The following PDE8A variants were observed in gnomAD, a reference collection of about 807,000 sequenced individuals.
The protein encoded by PDE8A is high affinity cAMP-specific and IBMX-insensitive 3',5'-cyclic phosphodiesterase 8A.
Under a neutral mutation model 105.0 loss-of-function variants are expected in PDE8A, and 59 were observed. That is an observed-to-expected ratio of 0.56 (90% CI 0.46 to 0.70). The LOEUF is 0.70. Ranked by LOEUF, PDE8A falls within the 30% of genes least tolerant of loss-of-function variation. PDE8A has a pLI of 0.00. For synonymous variants in PDE8A, 355 were observed against 371.9 expected (o/e 0.95, Z 0.52); for missense variants, 1,014 against 1,045.9 (o/e 0.97, Z 0.42).
At chr15:85,004,292 G>C (rs1178045076) in intron 1 of PDE8A, among the ~76,000 whole-genome samples, 1 of 152,170 alleles carries the variant, frequency 6.6e-6, no homozygotes, top group Non-Finnish European at 1.5e-5. Context: ...TTCAGTAATA[G>C]ATACATAACC....
upstream of PDE8A, among the ~76,000 whole-genome samples, chr15:84,981,722 G>C (rs1188987005): frequency 6.6e-6 from 1 of 151,330 alleles, no homozygotes; most frequent in Non-Finnish European, 1.5e-5. Context: ...GAGCGGGGCC[G>C]GGCGCGGCCG....
rs776553382 is a variant in PDE8A at position 85,137,930 on chromosome 15, GCTT to G, written c.*28_*30del. ...GGGAGACACCACCCAGAGCCCTGAAGCTTTGTTCCTTCGGTCATTTGGAATTCC... is the reference window on the plus strand; with the variant it reads ...GGGAGACACCACCCAGAGCCCTGAAGTGTTCCTTCGGTCATTTGGAATTCC... On this transcript the variant is annotated 3_prime_UTR_variant, in exon 22 of 22. Transcript: ENST00000394553. 3 of 1,402,516 alleles carry G rather than the reference GCTT, an allele frequency of 2.1e-6. No individual in the cohort carries two copies. The South Asian group carries it at 3.5e-5, about 16-fold the overall frequency. 86.9% of individuals were successfully genotyped at this position (1,402,516 alleles called of 1,614,324 possible). A position where few individuals can be genotyped will look rare whatever the true frequency, so the allele number is the denominator to read the frequency against.
chr15:85,090,439 A>C (rs186302706), intron 7 of PDE8A, among the ~76,000 whole-genome samples: 28 of 152,178 alleles, frequency 1.8e-4, no homozygotes, highest in Admixed American at 7.9e-4. Context: ...TTTCCCATGT[A>C]TTTTCTGCTT....
At chr15:85,107,169 A>G (rs911044575) in intron 11 of PDE8A, among the ~76,000 whole-genome samples, 3 of 152,218 alleles carry the variant, frequency 2.0e-5, no homozygotes, top group Non-Finnish European at 4.4e-5. Context: ...ATCAGAGGTA[A>G]CCAGGCGAAG....
rs368669038 is a variant in PDE8A at position 85,015,557 on chromosome 15, A to G, written c.186+33209A>G. On this transcript the variant is annotated intron_variant, in intron 1 of 21. Coordinates refer to ENST00000394553, the MANE Select transcript of PDE8A (RefSeq NM_002605.3). Reference sequence around the variant, plus strand: ...CTCTATAAGGGTTGTACCATTCTGAATTTTTACCAGCAGTGTATCAGAAAG... The same window carrying G: ...CTCTATAAGGGTTGTACCATTCTGAGTTTTTACCAGCAGTGTATCAGAAAG... Among the ~76,000 whole-genome samples, 9 of 151,952 alleles carry G rather than the reference A, an allele frequency of 5.9e-5. No individual in the cohort carries two copies. The East Asian group carries it at 9.6e-4, about 16-fold the overall frequency.
intron 1 of PDE8A, among the ~76,000 whole-genome samples, chr15:84,996,113 C>T (rs564015286): frequency 1.3e-5 from 2 of 152,036 alleles, no homozygotes; most frequent in Non-Finnish European, 2.9e-5. Flanking sequence ...ATTTTGACCT[C>T]TCATGTGCAT....
chr15:85,117,860 C>G (rs1262121298), intron 17 of PDE8A, 21 bp downstream of exon 17: 1 of 1,576,792 alleles, frequency 6.3e-7, no homozygotes, highest in East Asian at 2.2e-5. Flanking sequence ...GTTTACCTGC[C>G]ACATTTAATG....
chr15:85,070,660 A>T (rs1325544320), intron 3 of PDE8A, among the ~76,000 whole-genome samples: 1 of 152,156 alleles, frequency 6.6e-6, no homozygotes, highest in Non-Finnish European at 1.5e-5. Context: ...TCAGTGCTAG[A>T]TGGCTGCTGG....
chr15:85,043,828 G>A (rs527279167), intron 1 of PDE8A, among the ~76,000 whole-genome samples: 1 of 152,098 alleles, frequency 6.6e-6, no homozygotes, highest in South Asian at 2.1e-4. Context: ...CTCCTGAGTA[G>A]CTGGGACTAC....
chr15:85,099,357 C>A (rs893296292), intron 9 of PDE8A, among the ~76,000 whole-genome samples: 1 of 152,254 alleles, frequency 6.6e-6, no homozygotes, highest in African/African-American at 2.4e-5. Flanking sequence ...TGTCACCAGG[C>A]TTTGCTGCCA....
intron 1 of PDE8A, among the ~76,000 whole-genome samples, chr15:85,023,231 T>C (rs1411101753): frequency 6.6e-6 from 1 of 152,184 alleles, no homozygotes; most frequent in Non-Finnish European, 1.5e-5. Flanking sequence ...AGGGAAAGTG[T>C]TGTGGGGAAT....
At chr15:85,052,803 G>A (rs1246078590) in intron 1 of PDE8A, among the ~76,000 whole-genome samples, 1 of 152,064 alleles carries the variant, frequency 6.6e-6, no homozygotes, top group Non-Finnish European at 1.5e-5. Flanking sequence ...AGTTTCTTTT[G>A]CTGTGCAGAA....
chr15:85,080,085 G>A (rs2081441577), intron 5 of PDE8A, among the ~76,000 whole-genome samples: 1 of 152,138 alleles, frequency 6.6e-6, no homozygotes, highest in South Asian at 2.1e-4. Flanking sequence ...AGTAAATGCA[G>A]ACAAAAAGAA....
At chr15:84,981,767 C>G (rs1168276238), upstream of PDE8A, among the ~76,000 whole-genome samples, 2 of 151,230 alleles carry the variant, frequency 1.3e-5, no homozygotes, top group South Asian at 2.1e-4. Flanking sequence ...TGCCGCAGCT[C>G]GGCGAGGGCA....
chr15:85,054,495 C>T lies in PDE8A; in HGVS notation c.187-9875C>T, dbSNP rs146925469. ...GCTATTATTGCCTCAACTTCAGAGCCTGTTATTGGTCTATTCAGGGATTCA... is the reference window on the plus strand; with the variant it reads ...GCTATTATTGCCTCAACTTCAGAGCTTGTTATTGGTCTATTCAGGGATTCA... On this transcript the variant is annotated intron_variant, in intron 1 of 21. Coordinates refer to ENST00000394553, the MANE Select transcript of PDE8A (RefSeq NM_002605.3). 8.6e-3 allele frequency among the ~76,000 whole-genome samples: 1,308 copies of T among 152,240 alleles called. 27 individuals are homozygous for T. Among genetic ancestry groups the T allele is most frequent in the East Asian group, 0.065 (338 of 5,182 alleles).
rs918141667 is a variant in PDE8A, at chr15:85,116,006, T to A, written c.1422T>A (p.Asn474Lys). The A allele has an allele frequency of 1.2e-5, 20 of 1,613,354 alleles. No individual in the cohort carries two copies. The highest frequency in any genetic ancestry group is 1.7e-5 in the Non-Finnish European group (20 of 1,179,408). Residue 474 changes from asparagine to lysine, a missense_variant, in exon 16 of 22, where the codon AAT becomes AAA. Transcript: ENST00000394553. ...CAGACACTCAAATGGTTTCAAGCAA[T>A]ATAATCACTCCCATCTCCCTTGATG... ...STKNTQMVSS[N>K]IITPISLDDV...
chr15:85,067,148 C>G lies in PDE8A; in HGVS notation c.378C>G (p.Asp126Glu). The G allele has an allele frequency of 6.2e-7, 1 of 1,614,006 alleles. No homozygotes were observed. The highest frequency in any genetic ancestry group is 1.1e-5 in the South Asian group (1 of 91,078). ...CCTGTTTCCTGGACAAACATCATGA[C>G]ATTATCATCATAGACCACAGAAATC... is the stretch of plus-strand genomic sequence containing the variant. ...VLACFLDKHH[D>E]IIIIDHRNPR... The change falls in exon 3 of 22, where the codon GAC (aspartate) becomes GAG (glutamate). Residue 126 changes from aspartate to glutamate, a missense_variant. By Grantham distance (45) the Asp-to-Glu change is conservative. Coordinates refer to ENST00000394553, the MANE Select transcript of PDE8A (RefSeq NM_002605.3).
chr15:85,051,013 A>G (rs2080964506), intron 1 of PDE8A, among the ~76,000 whole-genome samples: 1 of 152,144 alleles, frequency 6.6e-6, no homozygotes, highest in Non-Finnish European at 1.5e-5. Flanking sequence ...ACTTGTACAA[A>G]TCTTTCACCT....
At chr15:85,015,467 C>G (rs2080309646) in intron 1 of PDE8A, among the ~76,000 whole-genome samples, 1 of 152,158 alleles carries the variant, frequency 6.6e-6, no homozygotes, top group Non-Finnish European at 1.5e-5. Flanking sequence ...CTCAGCCTCC[C>G]AAAGTGCTGA....
Sources: allele counts gnomAD v4.1 joint callset (sites outside exome capture counted in the v4.1 genomes callset), GRCh38; gene constraint gnomAD v4.1.1; transcripts MANE v1.5; gene names NCBI Gene and HGNC (gene_info 2026-07-23, HGNC 2026-07-21).